Variants in RAP1GAP2 observed in about 807,000 individuals in gnomAD.
RAP1GAP2 encodes RAP1 GTPase activating protein 2.
RAP1GAP2 carries 27 observed loss-of-function variants against 95.0 expected under a neutral mutation model. The observed-to-expected ratio is 0.28, with a 90% CI of 0.21 to 0.39. The LOEUF (loss-of-function observed/expected upper bound fraction) is 0.39. Ranked by LOEUF, RAP1GAP2 falls within the 10% of genes least tolerant of loss-of-function variation. The pLI is 1.00. For synonymous variants in RAP1GAP2, 373 were observed against 380.9 expected (o/e 0.98, Z 0.24); for missense variants, 771 against 970.0 (o/e 0.79, Z 2.72).
intron 13 of RAP1GAP2, among the ~76,000 whole-genome samples, chr17:2,997,885 G>T (rs1433495607): frequency 3.4e-5 from 5 of 148,512 alleles, no homozygotes; most frequent in Non-Finnish European, 7.4e-5. Flanking sequence ...ATCGTGCCAC[G>T]GCACTCCAGC....
At chr17:2,803,734 C>T (rs996715484) in intron 2 of RAP1GAP2, among the ~76,000 whole-genome samples, 5 of 152,114 alleles carry the variant, frequency 3.3e-5, no homozygotes, top group Non-Finnish European at 7.4e-5. Context: ...CAAAAATTAG[C>T]CCAGTGTGGT....
chr17:2,922,723 G>A (rs1187542212), intron 3 of RAP1GAP2, among the ~76,000 whole-genome samples: 3 of 152,056 alleles, frequency 2.0e-5, no homozygotes. Context: ...TTAGTAGTTG[G>A]TGCTTAATAA....
chr17:2,920,932 C>T (rs978717676), intron 3 of RAP1GAP2, among the ~76,000 whole-genome samples: 1 of 152,176 alleles, frequency 6.6e-6, no homozygotes, highest in Non-Finnish European at 1.5e-5. Flanking sequence ...CCTGCTGTGT[C>T]TGGGACTTCA....
intron 12 of RAP1GAP2, among the ~76,000 whole-genome samples, chr17:2,993,102 G>A (rs988816286): frequency 2.0e-5 from 3 of 150,384 alleles, no homozygotes; most frequent in Non-Finnish European, 1.5e-5. Context: ...GGTGCCTGTC[G>A]TCCCAGCTAC....
chr17:2,931,121 C>CAAAAAAAA (rs67067799), intron 3 of RAP1GAP2, among the ~76,000 whole-genome samples: 3 of 67,158 alleles, frequency 4.5e-5, no homozygotes, highest in South Asian at 5.0e-4. Context: ...GACTCCATCT[C>CAAAAAAAA]AAAAAAAAAA....
intron 2 of RAP1GAP2, among the ~76,000 whole-genome samples, chr17:2,854,550 A>G (rs1056611522): frequency 6.6e-6 from 1 of 152,218 alleles, no homozygotes; most frequent in African/African-American, 2.4e-5. Flanking sequence ...GCAGGCGAGG[A>G]GCAAGTTTGG....
Position 2,796,602 on chromosome 17 carries a change from A to G in RAP1GAP2, c.44+31A>G, listed in dbSNP as rs1472752017. ...TGACAGGTGGGAGGGTGGGGGAATGATGGGAGAGAACTTAGAAGTGAAGTC... is the reference window on the plus strand; with the variant it reads ...TGACAGGTGGGAGGGTGGGGGAATGGTGGGAGAGAACTTAGAAGTGAAGTC... On this transcript the variant is annotated intron_variant, in intron 1 of 24. Coordinates refer to ENST00000254695, the MANE Select transcript of RAP1GAP2 (RefSeq NM_015085.5). The surrounding 1 kb of genome is among the most constrained non-coding windows in gnomAD (Gnocchi z 4.7). The G allele has an allele frequency of 2.6e-6, 4 of 1,551,862 alleles. No individual in the cohort carries two copies. Among genetic ancestry groups the G allele is most frequent in the Non-Finnish European group, 3.5e-6 (4 of 1,146,512 alleles).
intron 2 of RAP1GAP2, among the ~76,000 whole-genome samples, chr17:2,843,589 A>G (rs756820967): frequency 6.9e-6 from 1 of 144,254 alleles, no homozygotes; most frequent in Non-Finnish European, 1.5e-5. Flanking sequence ...GCCCGGCCCA[A>G]TTTCCCCATT....
rs565615615 is a variant in RAP1GAP2 at position 2,835,034 on chromosome 17, C to T, written c.80+34484C>T. 1.2e-4 allele frequency among the ~76,000 whole-genome samples: 18 copies of T among 151,882 alleles called. 1 individual carries two copies. Among genetic ancestry groups the T allele is most frequent in the African/African-American group, 3.9e-4 (16 of 41,392 alleles). ...TCCCAGGTTCATGCCATTCTCCTGC[C>T]TCAGCCTCCCAAGTAGCTGGGACTA... is the stretch of plus-strand genomic sequence containing the variant. On this transcript the variant is annotated intron_variant, in intron 2 of 24. Transcript: ENST00000254695.
chr17:3,019,674 T>G (rs7218415), intron 18 of RAP1GAP2, among the ~76,000 whole-genome samples: 56,086 of 152,098 alleles, frequency 0.37, 10,725 homozygotes, highest in Middle Eastern at 0.46. Context: ...TTTTCCTAGC[T>G]ATTATCTTGC....
rs776273242 is a variant in RAP1GAP2 at position 2,976,823 on chromosome 17, A to T, written c.597-3464A>T. On this transcript the variant is annotated intron_variant, in intron 8 of 24. Coordinates refer to ENST00000254695, the MANE Select transcript of RAP1GAP2 (RefSeq NM_015085.5). The stretch of plus-strand genomic sequence containing the variant: ...ATCGATAAACCTCCAGCTAAAACTG[A>T]TAAGGGAAAACAAGGAAAAGATACA... 2.0e-4 allele frequency among the ~76,000 whole-genome samples: 31 copies of T among 152,138 alleles called. 1 individual carries two copies. The highest frequency in any genetic ancestry group is 4.0e-4 in the Non-Finnish European group (27 of 68,016).
Position 2,869,687 on chromosome 17 carries a change from C to G in RAP1GAP2, c.81-35597C>G, listed in dbSNP as rs77984849. On this transcript the variant is annotated intron_variant, in intron 2 of 24. Coordinates refer to ENST00000254695, the MANE Select transcript of RAP1GAP2 (RefSeq NM_015085.5). ...TGTCCTGCCCAAGCTCACACCCCCA[C>G]TGAGGGTCACGTGTTGCTGGGGAAG... Among the ~76,000 whole-genome samples the G allele has an allele frequency of 3.2e-3, 493 of 152,320 alleles. 6 individuals are homozygous for G. Among genetic ancestry groups the G allele is most frequent in the African/African-American group, 0.011 (463 of 41,570 alleles).
intron 2 of RAP1GAP2, among the ~76,000 whole-genome samples, chr17:2,841,056 G>T (rs2071354307): frequency 1.3e-5 from 2 of 151,860 alleles, no homozygotes; most frequent in South Asian, 4.2e-4. Context: ...TTGGGAAGCT[G>T]AGGCAGGAGA....
At chr17:2,897,965 G>T (rs1336786681) in intron 2 of RAP1GAP2, among the ~76,000 whole-genome samples, 3 of 149,194 alleles carry the variant, frequency 2.0e-5, no homozygotes, top group African/African-American at 7.4e-5. Context: ...CTGTCCCCCA[G>T]GCTGGAGTGC....
At chr17:2,859,575 A>G (rs1479274406) in intron 2 of RAP1GAP2, among the ~76,000 whole-genome samples, 1 of 151,780 alleles carries the variant, frequency 6.6e-6, no homozygotes, top group Admixed American at 6.6e-5. Flanking sequence ...AGCTGGGACT[A>G]CAGGTGTCCG....
chr17:2,854,015 G>A, intron 2 of RAP1GAP2: 1 of 984,980 alleles, frequency 1.0e-6, no homozygotes, highest in Non-Finnish European at 1.2e-6. Context: ...CCCGCGGGGA[G>A]GAGGCATTGC....
Position 2,848,433 on chromosome 17 carries a change from G to C in RAP1GAP2, c.80+47883G>C, listed in dbSNP as rs373442802. On this transcript the variant is annotated intron_variant, in intron 2 of 24. Transcript: ENST00000254695. ...GGGCTGGTCATGGGTTCTGTGAGGG[G>C]ATTTTAGAAGCTGGGAGGAGAGTCA... 1.3e-4 allele frequency among the ~76,000 whole-genome samples: 20 copies of C among 152,112 alleles called. No individual in the cohort carries two copies. The East Asian group carries it at 1.9e-3, about 15-fold the overall frequency.
chr17:2,771,355 G>A (rs115704296), intron 2 of RAP1GAP2, among the ~76,000 whole-genome samples: 1,798 of 152,180 alleles, frequency 0.012, 41 homozygotes, highest in African/African-American at 0.041. Context: ...CACTGGACAC[G>A]TATGGCCAGC....
In RAP1GAP2 at chr17:3,004,723, C is replaced by T. The variant is rs557218925; in HGVS notation, c.1201-646C>T. On this transcript the variant is annotated intron_variant, in intron 14 of 24. Transcript: ENST00000254695. This position sits in a 1 kb window ranked among gnomAD's most constrained non-coding sequence, Gnocchi z 4.1. ...ACCCCGTGTGTGGGGCCAGGGCTCCCGAACACGGGTCCACCGGCTGCACGA... is the reference window on the plus strand; with the variant it reads ...ACCCCGTGTGTGGGGCCAGGGCTCCTGAACACGGGTCCACCGGCTGCACGA... 9.8e-5 allele frequency among the ~76,000 whole-genome samples: 15 copies of T among 152,362 alleles called. No homozygotes were observed. The highest frequency in any genetic ancestry group is 2.9e-4 in the African/African-American group (12 of 41,584).
Sources: allele counts gnomAD v4.1 joint callset (sites outside exome capture counted in the v4.1 genomes callset), GRCh38; gene constraint gnomAD v4.1.1; non-coding constraint Gnocchi (gnomAD v3.1); transcripts MANE v1.5; gene names NCBI Gene and HGNC (gene_info 2026-07-23, HGNC 2026-07-21).